The following CALD1 variants were observed in gnomAD, a reference collection of about 807,000 sequenced individuals.
CALD1 encodes the protein caldesmon.
A neutral mutation model predicts 99.9 loss-of-function variants in CALD1; 33 were observed. The observed-to-expected ratio is 0.33, with a 90% CI of 0.25 to 0.44. The LOEUF is 0.44. CALD1 is among the 20% of genes least tolerant of loss of function. The pLI, the probability that CALD1 is intolerant of heterozygous loss-of-function variation, is 1.00. For synonymous variants in CALD1, 310 were observed against 325.0 expected (o/e 0.95, Z 0.50); for missense variants, 861 against 962.1 (o/e 0.89, Z 1.39).
the CALD1 span, among the ~76,000 whole-genome samples, chr7:134,733,221 T>C: frequency 2.0e-5 from 3 of 152,236 alleles, no homozygotes; most frequent in Admixed American, 2.0e-4. Flanking sequence ...GGCTTCCTAA[T>C]GCATGGAACC....
intron 1 of CALD1, among the ~76,000 whole-genome samples, chr7:134,808,857 A>G (rs1798250101): frequency 6.6e-6 from 1 of 152,208 alleles, no homozygotes; most frequent in South Asian, 2.1e-4. Context: ...ATTAATTTAC[A>G]TATATTGTCT....
At chr7:134,754,637 T>C (rs1796712585) in intron 1 of CALD1, among the ~76,000 whole-genome samples, 2 of 152,352 alleles carry the variant, frequency 1.3e-5, no homozygotes, top group South Asian at 4.1e-4. Context: ...GTGTTTTATA[T>C]AACTGGAATA....
chr7:134,817,975 C>A (rs968968457), intron 1 of CALD1, among the ~76,000 whole-genome samples: 2 of 152,090 alleles, frequency 1.3e-5, no homozygotes, highest in Admixed American at 6.6e-5. Context: ...TTTGTTATAA[C>A]CTCATCTGTA....
intron 3 of CALD1, among the ~76,000 whole-genome samples, chr7:134,900,961 A>G (rs1802950116): frequency 6.6e-6 from 1 of 152,102 alleles, no homozygotes; most frequent in Admixed American, 6.5e-5. Context: ...TGCTTTCAGG[A>G]AAATCAGAGC....
intron 14 of CALD1, among the ~76,000 whole-genome samples, chr7:134,965,676 G>A (rs1354782368): frequency 1.3e-5 from 2 of 152,088 alleles, no homozygotes; most frequent in Non-Finnish European, 2.9e-5. Context: ...GGATACCATG[G>A]TCTACGTTTC....
chr7:134,735,000 CT>C, the CALD1 span: 1 of 253,544 alleles, frequency 3.9e-6, no homozygotes, highest in Non-Finnish European at 7.8e-6. Flanking sequence ...TCATATTGCA[CT>C]TGGCCTCAGT....
intron 3 of CALD1, among the ~76,000 whole-genome samples, chr7:134,899,385 T>C (rs1284843859): frequency 6.6e-6 from 1 of 152,092 alleles, no homozygotes; most frequent in Non-Finnish European, 1.5e-5. Context: ...CCATTTTTAG[T>C]AGAGACGGGG....
At chr7:134,936,963 G>A (rs1420532082) in intron 6 of CALD1, among the ~76,000 whole-genome samples, 6 of 152,118 alleles carry the variant, frequency 3.9e-5, no homozygotes, top group Admixed American at 3.9e-4. Context: ...TTCATTTGGT[G>A]ACCAAATACC....
intron 1 of CALD1, among the ~76,000 whole-genome samples, chr7:134,759,203 C>T (rs1257635204): frequency 6.6e-6 from 1 of 152,190 alleles, no homozygotes; most frequent in African/African-American, 2.4e-5. Context: ...AGAGACCAAT[C>T]ATTCCACAAA....
At chr7:134,822,506 T>C (rs993531518) in intron 1 of CALD1, among the ~76,000 whole-genome samples, 1 of 152,196 alleles carries the variant, frequency 6.6e-6, no homozygotes, top group Non-Finnish European at 1.5e-5. Flanking sequence ...ATTCAGAATA[T>C]AGTGATTTTT....
At chr7:134,787,741 T>G (rs142633622) in intron 1 of CALD1, among the ~76,000 whole-genome samples, 7 of 152,338 alleles carry the variant, frequency 4.6e-5, no homozygotes, top group Admixed American at 1.3e-4. Flanking sequence ...TCCTCTGTAT[T>G]GCACAGAAGA....
chr7:134,867,643 A>T (rs1261827434), intron 2 of CALD1, 50 bp from the exon 3 acceptor site: 2 of 646,432 alleles, frequency 3.1e-6, no homozygotes, highest in East Asian at 5.9e-5. Context: ...ACTCAGGAGA[A>T]GTAACACACT....
At chr7:134,892,035 C>T (rs182681042) in intron 3 of CALD1, among the ~76,000 whole-genome samples, 1 of 152,306 alleles carries the variant, frequency 6.6e-6, no homozygotes, top group East Asian at 1.9e-4. Flanking sequence ...GCCCTCCGTT[C>T]AGAATGATCC....
intron 1 of CALD1, among the ~76,000 whole-genome samples, chr7:134,797,653 C>T (rs932726767): frequency 3.3e-5 from 5 of 152,110 alleles, no homozygotes; most frequent in Non-Finnish European, 7.3e-5. Flanking sequence ...AGTGCAGTGG[C>T]GCAATCTGGG....
At chr7:134,811,826 AGT>A (rs1798363577) in intron 1 of CALD1, among the ~76,000 whole-genome samples, 1 of 152,180 alleles carries the variant, frequency 6.6e-6, no homozygotes, top group Admixed American at 6.5e-5. Flanking sequence ...GCTACAGAAT[AGT>A]GTGTTTTTGT....
At chr7:134,817,895 TCA>T (rs752572908) in intron 1 of CALD1, among the ~76,000 whole-genome samples, 3 of 152,188 alleles carry the variant, frequency 2.0e-5, no homozygotes, top group Non-Finnish European at 4.4e-5. Flanking sequence ...TTCTAAAAAG[TCA>T]CAGTTTTGTG....
chr7:134,744,015 C>T (rs1340494110), upstream of CALD1, among the ~76,000 whole-genome samples: 2 of 152,096 alleles, frequency 1.3e-5, no homozygotes, highest in South Asian at 2.1e-4. Flanking sequence ...TAAAAATAAG[C>T]GGGCTGTGTT....
intron 3 of CALD1, chr7:134,891,596 C>A: frequency 1.2e-6 from 2 of 1,602,632 alleles, no homozygotes; most frequent in Non-Finnish European, 1.7e-6. Flanking sequence ...TCTCTCTGCC[C>A]CGCCGCCCCT....
intron 1 of CALD1, among the ~76,000 whole-genome samples, chr7:134,796,538 G>A (rs994637136): frequency 7.9e-5 from 12 of 152,014 alleles, no homozygotes; most frequent in African/African-American, 2.9e-4. Flanking sequence ...TCCCTCTGCT[G>A]GGGCTGCCCC....
Sources: gnomAD v4.1 joint callset for allele counts (sites outside exome capture counted in the v4.1 genomes callset) on GRCh38, gnomAD v4.1.1 for gene constraint, MANE v1.5 for transcripts, NCBI Gene and HGNC (gene_info 2026-07-23, HGNC 2026-07-21) for gene names.